Variants in PATJ observed in about 807,000 individuals in gnomAD.
The protein encoded by PATJ is PATJ crumbs cell polarity complex component.
In PATJ, 190 loss-of-function variants were observed where a neutral mutation model predicts 224.9. The observed-to-expected ratio is 0.84, with a 90% CI of 0.75 to 0.95. The LOEUF (loss-of-function observed/expected upper bound fraction) is 0.95. Among genes scored for constraint, PATJ ranks in the 40% least tolerant of loss-of-function variants. The pLI is 0.00. For missense variants in PATJ, 2,121 were observed against 2,270.3 expected (o/e 0.93, Z 1.34); for synonymous variants, 769 against 820.3 (o/e 0.94, Z 1.07).
chr1:61,901,498 C>T (rs760132264), intron 24 of PATJ, 39 bp downstream of exon 24: 21 of 1,378,966 alleles, frequency 1.5e-5, no homozygotes, highest in Admixed American at 1.2e-4. Flanking sequence ...TGGAAACATA[C>T]GGTAAGACAG....
At chr1:61,830,054 T>C (rs1431010615) in intron 16 of PATJ, among the ~76,000 whole-genome samples, 5 of 152,212 alleles carry the variant, frequency 3.3e-5, no homozygotes, top group African/African-American at 1.2e-4. Context: ...TGACCACCCG[T>C]GTCTTGCAGT....
intron 1 of PATJ, among the ~76,000 whole-genome samples, chr1:61,761,291 A>G (rs985710777): frequency 3.3e-5 from 5 of 152,058 alleles, no homozygotes; most frequent in African/African-American, 7.2e-5. Flanking sequence ...ATAAATTTTG[A>G]TAAGTATATA....
At chr1:61,794,047 TGC>T (rs1370624622) in intron 9 of PATJ, among the ~76,000 whole-genome samples, 1 of 66 alleles carries the variant, frequency 0.015, no homozygotes, top group African/African-American at 0.031. Context: ...GGATTAGATG[TGC>T]CCACCATCAT....
chr1:62,125,246 A>C (rs567627027), intron 39 of PATJ, among the ~76,000 whole-genome samples: 7 of 103,124 alleles, frequency 6.8e-5, no homozygotes, highest in African/African-American at 1.5e-4. Flanking sequence ...CAAAAAAAAA[A>C]AAAAAAACAA....
intron 17 of PATJ, among the ~76,000 whole-genome samples, chr1:61,851,808 A>G (rs72674668): frequency 0.033 from 5,064 of 152,198 alleles, 126 homozygotes; most frequent in Non-Finnish European, 0.048. Context: ...AATGGAAAGG[A>G]AGAATCAGAA....
intron 27 of PATJ, among the ~76,000 whole-genome samples, chr1:61,962,747 G>T (rs1297170325): frequency 6.6e-6 from 1 of 152,108 alleles, no homozygotes. Context: ...CACACATATG[G>T]ACCTGGAAGT....
intron 27 of PATJ, among the ~76,000 whole-genome samples, chr1:61,982,776 G>T (rs1431612859): frequency 2.6e-5 from 4 of 151,820 alleles, no homozygotes; most frequent in Non-Finnish European, 5.9e-5. Flanking sequence ...ATGTGTGTGT[G>T]GTGTGTATTT....
intron 33 of PATJ, among the ~76,000 whole-genome samples, chr1:62,107,808 A>C (rs1252752451): frequency 6.6e-6 from 1 of 152,228 alleles, no homozygotes; most frequent in African/African-American, 2.4e-5. Flanking sequence ...TCCCAACCAA[A>C]GCTTACCTAC....
chr1:61,869,502 G>A (rs1461602816), intron 20 of PATJ, among the ~76,000 whole-genome samples: 1 of 152,166 alleles, frequency 6.6e-6, no homozygotes, highest in African/African-American at 2.4e-5. Flanking sequence ...CCCACCTCAA[G>A]AGGGAATGTT....
chr1:61,994,662 C>A (rs1463549705), intron 28 of PATJ, among the ~76,000 whole-genome samples: 2 of 152,088 alleles, frequency 1.3e-5, no homozygotes, highest in Non-Finnish European at 2.9e-5. Context: ...TCAAGCAATT[C>A]TCCTGCCTCA....
intron 32 of PATJ, among the ~76,000 whole-genome samples, chr1:62,081,318 T>C (rs994118136): frequency 6.6e-6 from 1 of 152,184 alleles, no homozygotes; most frequent in Admixed American, 6.5e-5. Flanking sequence ...GTTGAATCTA[T>C]AGAAATTTTA....
intron 34 of PATJ, among the ~76,000 whole-genome samples, chr1:62,111,951 C>T (rs111916043): frequency 1.3e-5 from 2 of 151,350 alleles, no homozygotes; most frequent in African/African-American, 4.8e-5. Flanking sequence ...TGAGCCACCG[C>T]GCCCAGCCCA....
chr1:62,158,565 CA>C (rs1357016348), intron 43 of PATJ, among the ~76,000 whole-genome samples: 1 of 148,228 alleles, frequency 6.7e-6, no homozygotes, highest in African/African-American at 2.4e-5. Flanking sequence ...ACTAAAAATA[CA>C]AAAAATTAGC....
chr1:62,077,000 C>A (rs931094761), intron 31 of PATJ, among the ~76,000 whole-genome samples: 3 of 152,118 alleles, frequency 2.0e-5, no homozygotes, highest in Admixed American at 6.6e-5. Flanking sequence ...GACCCAAGCA[C>A]CTCTTATCTG....
intron 1 of PATJ, among the ~76,000 whole-genome samples, chr1:61,756,169 A>G (rs1019104900): frequency 6.6e-6 from 1 of 152,164 alleles, no homozygotes; most frequent in Non-Finnish European, 1.5e-5. Context: ...TTCATTCCCA[A>G]TTTCGATACT....
chr1:62,063,044 C>T (rs761035104), intron 31 of PATJ, among the ~76,000 whole-genome samples: 2 of 152,136 alleles, frequency 1.3e-5, no homozygotes, highest in Non-Finnish European at 2.9e-5. Context: ...GTTTTGGTTG[C>T]AATTGTTTTT....
At chr1:61,810,699 A>AAAT in intron 14 of PATJ, among the ~76,000 whole-genome samples, 1 of 144,084 alleles carries the variant, frequency 6.9e-6, no homozygotes, top group Admixed American at 6.9e-5. Context: ...TCTGTCTCAA[A>AAAT]AAATAAATAA....
chr1:62,014,394 G>A (rs1486521813), intron 28 of PATJ, among the ~76,000 whole-genome samples: 1 of 151,862 alleles, frequency 6.6e-6, no homozygotes, highest in Non-Finnish European at 1.5e-5. Context: ...TACCTTGTTT[G>A]TAGTTAATTA....
At chr1:62,083,887 A>G (rs576549065) in intron 32 of PATJ, among the ~76,000 whole-genome samples, 62 of 152,214 alleles carry the variant, frequency 4.1e-4, no homozygotes, top group Non-Finnish European at 7.3e-4. Flanking sequence ...TCATTGTAAC[A>G]TAGGCCTTCA....
Sources: gnomAD v4.1 joint callset for allele counts (sites outside exome capture counted in the v4.1 genomes callset) on GRCh38, gnomAD v4.1.1 for gene constraint, MANE v1.5 for transcripts, NCBI Gene and HGNC (gene_info 2026-07-23, HGNC 2026-07-21) for gene names.